The following ZAN variants were observed in gnomAD, a reference collection of about 807,000 sequenced individuals.
ZAN encodes the protein zonadhesin, also known as zonadhesin (gene/pseudogene).
ZAN carries 260 observed loss-of-function variants against 286.2 expected under a neutral mutation model. The ratio of observed to expected loss-of-function variants is 0.91; its 90% CI spans 0.82 to 1.01. The LOEUF (loss-of-function observed/expected upper bound fraction) is 1.01. Ranked by LOEUF, ZAN falls within the 50% of genes least tolerant of loss-of-function variation. The pLI, the probability that ZAN is intolerant of heterozygous loss-of-function variation, is 0.00. For synonymous variants in ZAN, 1,368 were observed against 1,417.5 expected, an observed-to-expected ratio of 0.97 and a Z score of 0.79; for missense variants, 3,410 against 3,639.2, an observed-to-expected ratio of 0.94 and a Z score of 1.62.
intron 26 of ZAN, 79 bp from the exon 27 acceptor site, chr7:100,768,531 G>T: frequency 8.5e-7 from 1 of 1,171,382 alleles, no homozygotes; most frequent in Non-Finnish European, 1.2e-6. Flanking sequence ...AAAAGTGAGG[G>T]TGCCAGGAGG....
intron 12 of ZAN, 68 bp downstream of exon 12, chr7:100,750,964 C>A: frequency 6.6e-7 from 1 of 1,508,950 alleles, no homozygotes; most frequent in South Asian, 1.3e-5. Context: ...TCTGGGGGCG[C>A]CACCAGTGCT....
intron 41 of ZAN, 121 bp downstream of exon 41, chr7:100,792,269 G>A: frequency 6.7e-7 from 1 of 1,501,088 alleles, no homozygotes; most frequent in Admixed American, 2.3e-5. Flanking sequence ...TTCTCCCTGT[G>A]GCCTAATTTC....
At position 100,764,762 on chromosome 7, in the gene ZAN, C is replaced by T. The variant is rs527476570; in HGVS notation, c.4267+566C>T. 5.2e-4 allele frequency among the ~76,000 whole-genome samples: 79 copies of T among 151,922 alleles called. No individual in the cohort carries two copies. The South Asian group carries it at 6.9e-3, about 13-fold the overall frequency. ...GTGTGGCAACGGGCGCCTGTAATCC[C>T]AGCTACTTGGGAGGCTGAGGCAGGA... On this transcript the variant is annotated intron_variant, in intron 22 of 47. Transcript: ENST00000613979.
chr7:100,767,255 A>ATGG lies in ZAN; in HGVS notation c.4860+2_4860+4dup. 6.2e-7 allele frequency: 1 copy of ATGG among 1,606,328 alleles called. No homozygotes were observed. Among genetic ancestry groups the ATGG allele is most frequent in the South Asian group, 1.1e-5 (1 of 90,994 alleles). On this transcript the variant is annotated inframe_insertion and splice_region_variant, in exon 25 of 48. Transcript: ENST00000613979. ...CTCACTGCTCAGAGGCTGTAAGGTC[A>ATGG]TGGTGGGTGTCTTCCTCCTGCCTCC...
rs1435529359 is a variant in ZAN at position 100,742,882 on chromosome 7, AGGGG to A, written c.767-3654_767-3651del. ...ACGGAGACGGAGACGAGGGAGAGGG[AGGGG>A]GAGGGGGACGGGGACGATCTGACTT... On this transcript the variant is annotated intron_variant, in intron 7 of 47. Transcript: ENST00000613979. Among the ~76,000 whole-genome samples the A allele has an allele frequency of 5.0e-3, 15 of 2,976 alleles. 2 individuals carry two copies. The South Asian group carries it at 0.06, about 12-fold the overall frequency. The allele number at this position is 2,976 out of a possible 152,430, so 2.0% of individuals were successfully genotyped here. A position where few individuals can be genotyped will look rare whatever the true frequency, so the allele number is the denominator to read the frequency against.
chr7:100,746,669 G>A lies in ZAN; in HGVS notation c.898G>A (p.Gly300Ser), dbSNP rs1348074107. 1.2e-6 allele frequency: 2 copies of A among 1,613,938 alleles called. No individual in the cohort carries two copies. The highest frequency in any genetic ancestry group is 1.7e-6 in the Non-Finnish European group (2 of 1,179,894). The change falls in exon 8 of 48, where the codon GGT (glycine) becomes AGT (serine). Residue 300 changes from glycine (G) to serine (S), a missense_variant. Gly to Ser is a moderately conservative substitution (Grantham distance 56, BLOSUM62 0). This residue lies in a region of ZAN where 872 missense variants were observed against 938.9 expected (regional missense o/e 0.93). Coordinates refer to ENST00000613979, the MANE Select transcript of ZAN (RefSeq NM_003386.3). The stretch of plus-strand genomic sequence containing the variant: ...CTACATCCTCCGGGGCCAGTCTCCT[G>A]GTGCAGCCCTCCACATTTATGCTTC... ...FHYILRGQSP[G>S]AALHIYASVL...
intron 7 of ZAN, 21 bp downstream of exon 7, chr7:100,738,634 T>C: frequency 6.6e-7 from 1 of 1,511,214 alleles, no homozygotes. Flanking sequence ...GCCATGCTTC[T>C]GTCCCTTGAC....
rs926009718 is a variant in ZAN, at chr7:100,789,729, A to T, written c.7357+382A>T. Among the ~76,000 whole-genome samples, 32 of 151,866 alleles carry T rather than the reference A, an allele frequency of 2.1e-4. No homozygotes were observed. In the East Asian group the frequency reaches 5.6e-3, roughly 27 times the overall value. ...GGAGGCTGAGGCAGGTGGATCACCT[A>T]AGGTCAGGAGTTCAAGACCAGCCTG... On this transcript the variant is annotated intron_variant, in intron 39 of 47. Transcript: ENST00000613979.
At chr7:100,770,503 C>CAAAAA (rs71126334) in intron 28 of ZAN, among the ~76,000 whole-genome samples, 1 of 93,682 alleles carries the variant, frequency 1.1e-5, no homozygotes, top group African/African-American at 4.3e-5. Flanking sequence ...GACTCTGTCT[C>CAAAAA]AAAAAAAAAA....
At position 100,759,775 on chromosome 7, in the gene ZAN, C is replaced by T. The variant is rs202043816; in HGVS notation, c.3626C>T (p.Ser1209Phe). ...KNEEQGQEGV[S>F]CLSKVYVTLP... is the part of the protein sequence containing the mutation. Reference sequence around the variant, plus strand: ...GAGGAGCAGGGACAGGAAGGCGTGTCCTGCCTGAGCAAAGTCTACGTGACC... The same window carrying T: ...GAGGAGCAGGGACAGGAAGGCGTGTTCTGCCTGAGCAAAGTCTACGTGACC... Residue 1209 changes from serine to phenylalanine, a missense_variant, in exon 18 of 48, where the codon TCC becomes TTC. Transcript: ENST00000613979. The T allele has an allele frequency of 2.0e-4, 317 of 1,603,724 alleles. No homozygotes were observed. The highest frequency in any genetic ancestry group is 2.6e-4 in the Non-Finnish European group (306 of 1,175,472).
chr7:100,796,085 A>C (rs1332177667), intron 45 of ZAN, among the ~76,000 whole-genome samples: 6 of 151,922 alleles, frequency 3.9e-5, no homozygotes, highest in African/African-American at 1.2e-4. Flanking sequence ...CAAAAAAAAC[A>C]AAAAACAAAA....
At chr7:100,773,259 C>T (rs1414097554) in intron 29 of ZAN, 26 bp from the exon 30 acceptor site, 1 of 1,608,624 alleles carries the variant, frequency 6.2e-7, no homozygotes, top group Admixed American at 1.7e-5. Flanking sequence ...CCACCCCACT[C>T]TTCCTAATGC....
chr7:100,775,231 CTT>C (rs1398777249), intron 31 of ZAN, 95 bp from the exon 32 acceptor site: 2 of 1,493,078 alleles, frequency 1.3e-6, no homozygotes, highest in East Asian at 2.4e-5. Flanking sequence ...GGTCTTGACT[CTT>C]TTCTGGAAGG....
At position 100,734,953 on chromosome 7, in the gene ZAN, A is replaced by C. The variant is rs1807200473; in HGVS notation, c.53+732A>C. On this transcript the variant is annotated intron_variant, in intron 2 of 47. Coordinates refer to ENST00000613979, the MANE Select transcript of ZAN (RefSeq NM_003386.3). Reference sequence around the variant, plus strand: ...GTAATCCCAGCACTTTGGGAGGCCGAGGCGGGCGGATCACCTGAGGTCAGG... The same window carrying C: ...GTAATCCCAGCACTTTGGGAGGCCGCGGCGGGCGGATCACCTGAGGTCAGG... Among the ~76,000 whole-genome samples the C allele has an allele frequency of 1.4e-5, 2 of 140,318 alleles. 1 individual carries two copies. The highest frequency in any genetic ancestry group is 3.2e-5 in the Non-Finnish European group (2 of 62,786). The allele number at this position is 140,318 out of a possible 152,430, so 92.1% of individuals were successfully genotyped here.
chr7:100,745,750 C>G (rs1189976270), intron 7 of ZAN, among the ~76,000 whole-genome samples: 2 of 150,406 alleles, frequency 1.3e-5, no homozygotes, highest in Non-Finnish European at 3.0e-5. Context: ...GCTGGGCGGA[C>G]TCCAGGTCCG....
At chr7:100,765,618 C>T in intron 23 of ZAN, 64 bp downstream of exon 23, 1 of 1,483,114 alleles carries the variant, frequency 6.7e-7, no homozygotes, top group South Asian at 1.3e-5. Flanking sequence ...GCTCTCACAC[C>T]CCCTGCAAGC....
intron 41 of ZAN, 103 bp from the exon 42 acceptor site, chr7:100,792,302 G>A (rs189825322): frequency 5.2e-5 from 79 of 1,516,270 alleles, no homozygotes; most frequent in Admixed American, 1.7e-4. Flanking sequence ...ACTGGACACC[G>A]ACTGATGTCT....
rs759348190 is a variant in ZAN, at chr7:100,775,595, CG to C, written c.6027+24del. Reference sequence around the variant, plus strand: ...GTGCTAGTGAGCTGGGTGTGGTGACCGGGGCTGGGAGGGAGTGCTGGGGAGG... The same window carrying C: ...GTGCTAGTGAGCTGGGTGTGGTGACCGGGCTGGGAGGGAGTGCTGGGGAGG... On this transcript the variant is annotated intron_variant, in intron 32 of 47. Coordinates refer to ENST00000613979, the MANE Select transcript of ZAN (RefSeq NM_003386.3). 5 of 1,611,864 alleles carry C rather than the reference CG, an allele frequency of 3.1e-6. No homozygotes were observed. Among genetic ancestry groups the C allele is most frequent in the South Asian group, 2.2e-5 (2 of 91,044 alleles).
At position 100,737,482 on chromosome 7, in the gene ZAN, G is replaced by A. The variant is rs970396362; in HGVS notation, c.613+133G>A. 2.9e-5 allele frequency: 17 copies of A among 590,610 alleles called. 1 individual carries two copies. Among genetic ancestry groups the A allele is most frequent in the Non-Finnish European group, 4.3e-5 (15 of 351,966 alleles). 36.6% of individuals were successfully genotyped at this position (590,610 alleles called of 1,614,324 possible). On this transcript the variant is annotated intron_variant, in intron 6 of 47. Coordinates refer to ENST00000613979, the MANE Select transcript of ZAN (RefSeq NM_003386.3). ...AGCACTTTGGGAGGCCGAGGCGGGC[G>A]GATCACGAGGTCAAGAGATAGAGAC...
Sources: gnomAD v4.1 joint callset for allele counts (sites outside exome capture counted in the v4.1 genomes callset) on GRCh38, gnomAD v4.1.1 for gene constraint, gnomAD v4.1.1 regional missense constraint, MANE v1.5 for transcripts, NCBI Gene and HGNC (gene_info 2026-07-23, HGNC 2026-07-21) for gene names.